The following ZNF469 variants were observed in gnomAD, a reference collection of about 807,000 sequenced individuals.
The protein encoded by ZNF469 is zinc finger protein 469.
Under a neutral mutation model 1.0 loss-of-function variants are expected in ZNF469, and 1 was observed. The ratio of observed to expected loss-of-function variants is 1.00; its 90% confidence interval spans 0.35 to 4.73. ZNF469 has a LOEUF of 4.73. ZNF469 is among the 30% of genes most tolerant of loss of function. ZNF469 has a pLI of 0.16. For missense variants in ZNF469, 6,100 were observed against 5,356.3 expected (o/e 1.14, Z -4.33); for synonymous variants, 2,703 against 2,363.4 (o/e 1.14, Z -4.17).
the ZNF469 span, among the ~76,000 whole-genome samples, chr16:88,163,651 TGGATA>T: frequency 7.1e-6 from 1 of 140,530 alleles, no homozygotes; most frequent in Middle Eastern, 3.5e-3. Flanking sequence ...GATGGATGGA[TGGATA>T]GTTGGGTAGA....
chr16:88,417,350 G>A (rs777667277), intron 1 of ZNF469, among the ~76,000 whole-genome samples: 19 of 152,184 alleles, frequency 1.2e-4, no homozygotes, highest in Non-Finnish European at 1.5e-4. Context: ...CTGCTCGACC[G>A]GCCAATGAGA....
rs1355277606 is a variant in ZNF469, at chr16:88,434,857, T to C, written c.7387T>C (p.Trp2463Arg). 3 of 1,550,210 alleles carry C rather than the reference T, an allele frequency of 1.9e-6. No homozygotes were observed. Among genetic ancestry groups the C allele is most frequent in the Non-Finnish European group, 2.6e-6 (3 of 1,146,952 alleles). Residue 2463 changes from tryptophan (W) to arginine (R), a missense_variant, in exon 3 of 3, where the codon TGG becomes CGG. By Grantham distance (101) the Trp-to-Arg change is moderately radical. Transcript: ENST00000565624. Reference sequence around the variant, plus strand: ...GCCTGCATCTACAGAGAACGGCCAGTGGAAGGGCCAAGCTCCACATGGGCC... The same window carrying C: ...GCCTGCATCTACAGAGAACGGCCAGCGGAAGGGCCAAGCTCCACATGGGCC... ...KKPASTENGQ[W>R]KGQAPHGPVT...
chr16:88,399,679 A>ATGAGCTGAGGCCCACATATG (rs1567501042), intron 1 of ZNF469, among the ~76,000 whole-genome samples: 1 of 152,236 alleles, frequency 6.6e-6, no homozygotes, highest in Non-Finnish European at 1.5e-5. Flanking sequence ...GTGGCCAGGT[A>ATGAGCTGAGGCCCACATATG]TGAGCTGAGG....
chr16:88,335,103 C>T, the ZNF469 span, among the ~76,000 whole-genome samples: 1 of 152,220 alleles, frequency 6.6e-6, no homozygotes, highest in African/African-American at 2.4e-5. Context: ...GAGCACAGCC[C>T]TGCGCATGCC....
the ZNF469 span, among the ~76,000 whole-genome samples, chr16:88,176,629 GA>G: frequency 1.0e-4 from 15 of 150,394 alleles, no homozygotes; most frequent in East Asian, 1.2e-3. Flanking sequence ...TAAGAAATAT[GA>G]AAAAAAAAAT....
chr16:88,185,275 G>C, the ZNF469 span, among the ~76,000 whole-genome samples: 1 of 152,106 alleles, frequency 6.6e-6, no homozygotes, highest in Non-Finnish European at 1.5e-5. Context: ...GCACGCACTA[G>C]TATAGCCAGA....
At chr16:88,382,001 CG>C (rs1355764949), upstream of ZNF469, among the ~76,000 whole-genome samples, 1 of 152,248 alleles carries the variant, frequency 6.6e-6, no homozygotes. Flanking sequence ...GACCTGCTCC[CG>C]GGGGACCTTT....
chr16:88,386,398 G>A (rs1477890104), intron 1 of ZNF469, among the ~76,000 whole-genome samples: 4 of 151,670 alleles, frequency 2.6e-5, no homozygotes, highest in Admixed American at 6.6e-5. Context: ...CATCTCCACC[G>A]GCGACTGCCT....
chr16:88,213,102 CT>C, the ZNF469 span, among the ~76,000 whole-genome samples: 1,028 of 148,018 alleles, frequency 6.9e-3, 17 homozygotes, highest in South Asian at 0.057. Context: ...ATTCTGTTTG[CT>C]TTTTTTTTTC....
the ZNF469 span, among the ~76,000 whole-genome samples, chr16:88,251,575 T>TTTTTTTTTG: frequency 8.9e-6 from 1 of 112,650 alleles, no homozygotes. Flanking sequence ...TTTTTTTTTT[T>TTTTTTTTTG]TGAGATGGAG....
At position 88,434,336 on chromosome 16, in the gene ZNF469, C is replaced by G; in HGVS notation, c.6866C>G (p.Ser2289Cys). ...PSVAVRATGL[S>C]STPTGDEAQA... Reference sequence around the variant, plus strand: ...GTGGCCGTCAGGGCTACTGGCCTGTCCAGCACTCCCACCGGAGATGAGGCA... The same window carrying G: ...GTGGCCGTCAGGGCTACTGGCCTGTGCAGCACTCCCACCGGAGATGAGGCA... Residue 2289 changes from serine to cysteine, a missense_variant, in exon 3 of 3, where the codon TCC becomes TGC. Transcript: ENST00000565624. 1 of 1,550,258 alleles carries G rather than the reference C, an allele frequency of 6.5e-7. No individual in the cohort carries two copies. Among genetic ancestry groups the G allele is most frequent in the Non-Finnish European group, 8.7e-7 (1 of 1,146,962 alleles).
At chr16:88,302,424 G>C in the ZNF469 span, 1 of 152,154 alleles carries the variant, frequency 6.6e-6, no homozygotes, top group African/African-American at 2.4e-5. Flanking sequence ...TGTTTCAGTG[G>C]CTGCTTCCTT....
rs754736361 is a variant in ZNF469 at position 88,432,425 on chromosome 16, G to A, written c.4955G>A (p.Gly1652Glu). ...GTGGCCACCGTGGAAGCGGTTCAGGGGAGGCCTGGGGGGACGTGGCCCTGC... is the reference window on the plus strand; with the variant it reads ...GTGGCCACCGTGGAAGCGGTTCAGGAGAGGCCTGGGGGGACGTGGCCCTGC... ...SAVATVEAVQ[G>E]RPGGTWPCPA... Residue 1652 changes from glycine (G) to glutamate (E), a missense_variant, in exon 3 of 3, where the codon GGG becomes GAG. Physicochemically the swap from Gly to Glu is moderately conservative, Grantham distance 98. Transcript: ENST00000565624. 1.3e-6 allele frequency: 2 copies of A among 1,550,038 alleles called. No individual in the cohort carries two copies. Among genetic ancestry groups the A allele is most frequent in the Non-Finnish European group, 1.7e-6 (2 of 1,146,980 alleles).
chr16:88,383,086 C>A lies in ZNF469; in HGVS notation c.-360C>A, dbSNP rs2092529466. On this transcript the variant is annotated 5_prime_UTR_variant, in exon 1 of 3. Coordinates refer to ENST00000565624, the MANE Select transcript of ZNF469 (RefSeq NM_001367624.2). ...TGCTCCCTCTCCTCCCACCCCGCCC[C>A]GAGGCGCAGCGCGCGGCAGAGCGGC... 6.6e-6 allele frequency among the ~76,000 whole-genome samples: 1 copy of A among 150,614 alleles called. No homozygotes were observed. Among genetic ancestry groups the A allele is most frequent in the African/African-American group, 2.4e-5 (1 of 41,260 alleles).
the ZNF469 span, among the ~76,000 whole-genome samples, chr16:88,289,355 T>C: frequency 6.6e-6 from 1 of 151,724 alleles, no homozygotes; most frequent in Non-Finnish European, 1.5e-5. Context: ...AGGGTGTTGA[T>C]GAGGGTGATG....
At chr16:88,392,060 AC>A (rs1437823490) in intron 1 of ZNF469, among the ~76,000 whole-genome samples, 1 of 152,256 alleles carries the variant, frequency 6.6e-6, no homozygotes, top group Non-Finnish European at 1.5e-5. Context: ...AACTCAAGCT[AC>A]CCAAGTGATT....
chr16:88,369,828 A>G, the ZNF469 span, among the ~76,000 whole-genome samples: 2 of 151,976 alleles, frequency 1.3e-5, no homozygotes, highest in Non-Finnish European at 2.9e-5. Flanking sequence ...CCCCAGCCCC[A>G]GCTTCCGGGG....
At chr16:88,319,567 G>A in the ZNF469 span, among the ~76,000 whole-genome samples, 34 of 152,264 alleles carry the variant, frequency 2.2e-4, 1 homozygote, top group Non-Finnish European at 2.6e-4. Flanking sequence ...GGGAAGCAGC[G>A]GGGCCACTCC....
At chr16:88,103,786 C>T in the ZNF469 span, among the ~76,000 whole-genome samples, 2 of 145,836 alleles carry the variant, frequency 1.4e-5, no homozygotes, top group Non-Finnish European at 3.0e-5. Context: ...TCCTCCGTGG[C>T]ATGGGGGGTT....
Sources: allele counts gnomAD v4.1 joint callset (sites outside exome capture counted in the v4.1 genomes callset), GRCh38; gene constraint gnomAD v4.1.1; transcripts MANE v1.5; gene names NCBI Gene and HGNC (gene_info 2026-07-23, HGNC 2026-07-21).